TEX11: variants seen among roughly 807,000 people sequenced by gnomAD.
TEX11 encodes testis-expressed protein 11.
Under a neutral mutation model 84.4 loss-of-function variants are expected in TEX11, and 7 were observed. The observed-to-expected ratio is 0.08, with a 90% CI of 0.05 to 0.16. The LOEUF (loss-of-function observed/expected upper bound fraction) is 0.16, where lower values mean the gene tolerates loss of function less well. Ranked by LOEUF, TEX11 falls within the 10% of genes least tolerant of loss-of-function variation. The pLI is 1.00. For synonymous variants in TEX11, 264 were observed against 222.8 expected (o/e 1.18, Z -1.64); for missense variants, 551 against 660.5 (o/e 0.83, Z 1.82).
In TEX11 at chrX:70,772,013, T is replaced by C. The variant is rs186378856; in HGVS notation, c.693-27794A>G. On this transcript the variant is annotated intron_variant, in intron 9 of 29. Coordinates refer to ENST00000374333, the MANE Select transcript of TEX11 (RefSeq NM_031276.3). Reference sequence around the variant, plus strand: ...CATGGCACGAAGCTTTATGCTGGCCTCTTACCCAAGTTCATGGCCTGCCTC... The same window carrying C: ...CATGGCACGAAGCTTTATGCTGGCCCCTTACCCAAGTTCATGGCCTGCCTC... Among the ~76,000 whole-genome samples the C allele has an allele frequency of 5.1e-4, 57 of 111,793 alleles. 1 individual carries two copies. In the East Asian group the frequency reaches 0.011, roughly 22 times the overall value.
At chrX:70,720,096 A>G (rs1304003476) in intron 13 of TEX11, among the ~76,000 whole-genome samples, 1 of 112,111 alleles carries the variant, frequency 8.9e-6, no homozygotes, top group Non-Finnish European at 1.9e-5. Context: ...CACTATTCAC[A>G]ATAGGAAAGA....
At chrX:70,879,917 C>T (rs2091674301) in intron 3 of TEX11, 71 bp downstream of exon 3, 1 of 908,477 alleles carries the variant, frequency 1.1e-6, no homozygotes, top group South Asian at 3.4e-5. Context: ...TACTTTTTTA[C>T]CTATATAATA....
intron 13 of TEX11, among the ~76,000 whole-genome samples, chrX:70,713,850 C>T (rs929927081): frequency 1.3e-4 from 15 of 111,361 alleles, no homozygotes; most frequent in Non-Finnish European, 2.3e-4. Context: ...CATGTGTTTG[C>T]TCTTGCTTCT....
chrX:70,893,331 CGGAAATCATAACAAAAGAAA>C (rs2091749327), intron 2 of TEX11, among the ~76,000 whole-genome samples: 1 of 111,383 alleles, frequency 9.0e-6, no homozygotes. Flanking sequence ...TGCAAAAGAA[CGGAAATCATAACAAAAGAAA>C]GGAAATCATA....
At chrX:70,679,000 C>A (rs2090102859) in intron 14 of TEX11, 111 bp from the exon 15 acceptor site, 2 of 608,550 alleles carry the variant, frequency 3.3e-6, no homozygotes, top group East Asian at 3.7e-5. Context: ...TCTCCACGGT[C>A]TCCCTCTGAT....
At chrX:70,813,564 C>G (rs1250969822) in intron 8 of TEX11, among the ~76,000 whole-genome samples, 1 of 110,928 alleles carries the variant, frequency 9.0e-6, no homozygotes, top group East Asian at 2.8e-4. Flanking sequence ...TCTCTCACCA[C>G]TCCTATTCAA....
intron 22 of TEX11, among the ~76,000 whole-genome samples, chrX:70,608,143 C>T (rs1240919686): frequency 1.8e-5 from 2 of 111,761 alleles, no homozygotes; most frequent in Admixed American, 1.9e-4. Context: ...AATTGTACAG[C>T]TTGATGAATT....
At chrX:70,769,899 T>C (rs981775167) in intron 9 of TEX11, among the ~76,000 whole-genome samples, 5 of 112,082 alleles carry the variant, frequency 4.5e-5, no homozygotes, top group African/African-American at 6.5e-5. Context: ...TGATTTTTAG[T>C]TAATAATTTT....
intron 4 of TEX11, among the ~76,000 whole-genome samples, chrX:70,870,331 G>A (rs2091623399): frequency 9.0e-6 from 1 of 110,661 alleles, no homozygotes; most frequent in South Asian, 3.9e-4. Context: ...TAAATATCCT[G>A]TAGAATTTTT....
rs771272637 is a variant in TEX11, at chrX:70,722,681, A to G, written c.941T>C (p.Leu314Pro). The change falls in exon 13 of 30, where the codon CTA becomes CCA. Residue 314 changes from leucine (L) to proline (P), a missense_variant. Coordinates refer to ENST00000374333, the MANE Select transcript of TEX11 (RefSeq NM_031276.3). ...GAAGTCTAAGGGCATGTCAAGATGT[A>G]GTATTTCCATGACAGCTAACAAGAT... ...EELLEAVMEILHLDMPLDFCL... is the reference protein window; with the variant it reads ...EELLEAVMEIPHLDMPLDFCL... 6.7e-6 allele frequency: 8 copies of G among 1,195,851 alleles called. No homozygotes were observed. Among genetic ancestry groups the G allele is most frequent in the Non-Finnish European group, 7.9e-6 (7 of 881,564 alleles).
At chrX:70,740,524 C>T (rs999949335) in intron 11 of TEX11, among the ~76,000 whole-genome samples, 177 bp downstream of exon 11, 6 of 111,468 alleles carry the variant, frequency 5.4e-5, no homozygotes, top group Non-Finnish European at 7.5e-5. Flanking sequence ...TAGGAATTTG[C>T]GGGGACACAA....
At chrX:70,639,010 T>C (rs772250721) in intron 17 of TEX11, among the ~76,000 whole-genome samples, 96 of 110,180 alleles carry the variant, frequency 8.7e-4, no homozygotes, top group African/African-American at 3.1e-3. Flanking sequence ...ACCCGGTTCA[T>C]CTGACTAGGG....
chrX:70,845,642 A>C (rs1479953332), intron 7 of TEX11, among the ~76,000 whole-genome samples: 3 of 110,141 alleles, frequency 2.7e-5, no homozygotes, highest in Non-Finnish European at 5.7e-5. Context: ...CGCCTGGCCA[A>C]CATGGCAAAA....
At chrX:70,647,630 C>T (rs920178411) in intron 17 of TEX11, among the ~76,000 whole-genome samples, 2 of 106,350 alleles carry the variant, frequency 1.9e-5, no homozygotes, top group Non-Finnish European at 1.9e-5. Context: ...CATTCCACTG[C>T]ACTTCCACTT....
At chrX:70,635,857 G>T (rs1355102524) in intron 17 of TEX11, among the ~76,000 whole-genome samples, 3 of 111,393 alleles carry the variant, frequency 2.7e-5, no homozygotes, top group Non-Finnish European at 5.7e-5. Flanking sequence ...CAGGCTACAG[G>T]CCTGCCCCAA....
At chrX:70,729,647 T>C (rs752539586) in intron 11 of TEX11, among the ~76,000 whole-genome samples, 4 of 111,120 alleles carry the variant, frequency 3.6e-5, no homozygotes, top group Admixed American at 2.9e-4. Context: ...CTCCAAGAAA[T>C]ATGGGACTAT....
chrX:70,630,118 C>T (rs1408362082), intron 17 of TEX11, among the ~76,000 whole-genome samples: 1 of 110,850 alleles, frequency 9.0e-6, no homozygotes, highest in African/African-American at 3.3e-5. Context: ...CGAGACCATC[C>T]TGGCTAACAC....
intron 2 of TEX11, among the ~76,000 whole-genome samples, chrX:70,902,210 C>T (rs1242283587): frequency 8.9e-6 from 1 of 111,962 alleles, no homozygotes; most frequent in Non-Finnish European, 1.9e-5. Context: ...ACGATCACAC[C>T]ACTGCACACC....
At chrX:70,729,358 G>A (rs779629325) in intron 11 of TEX11, among the ~76,000 whole-genome samples, 14 of 111,639 alleles carry the variant, frequency 1.3e-4, no homozygotes, top group East Asian at 1.1e-3. Flanking sequence ...ATTAAACTAC[G>A]CCAAGCTAAA....
Sources: allele counts gnomAD v4.1 joint callset (sites outside exome capture counted in the v4.1 genomes callset), GRCh38; gene constraint gnomAD v4.1.1; transcripts MANE v1.5; gene names NCBI Gene and HGNC (gene_info 2026-07-23, HGNC 2026-07-21).